DYNC1H1: variants seen among roughly 807,000 people sequenced by gnomAD.
The protein encoded by DYNC1H1 is dynein cytoplasmic 1 heavy chain 1, also known as cytoplasmic dynein 1 heavy chain 1.
Under a neutral mutation model 527.1 loss-of-function variants are expected in DYNC1H1, and 51 were observed. That is an observed-to-expected ratio of 0.10 (90% CI 0.08 to 0.12). The LOEUF (loss-of-function observed/expected upper bound fraction) is 0.12, where lower values mean the gene tolerates loss of function less well. DYNC1H1 is among the 10% of genes least tolerant of loss of function. The pLI is 1.00. For missense variants in DYNC1H1, 2,771 were observed against 5,971.8 expected, an observed-to-expected ratio of 0.46 and a Z score of 17.66; for synonymous variants, 2,189 against 2,278.8, an observed-to-expected ratio of 0.96 and a Z score of 1.12.
Position 102,048,004 on chromosome 14 carries a change from C to T in DYNC1H1, c.13194C>T (p.Leu4398=). The part of the protein sequence containing the change: ...LHLIPQTLSH[L]KRTVENIKDP... ...TCATCCCCCAGACGCTGAGCCACCT[C>T]AAGCGCACCGTGGAGAATATCAAGG... Residue 4398 remains leucine (L), a synonymous_variant, in exon 73 of 78, where the codon CTC becomes CTT. Transcript: ENST00000360184. The T allele has an allele frequency of 6.2e-7, 1 of 1,611,886 alleles. No homozygotes were observed. The highest frequency in any genetic ancestry group is 1.1e-5 in the South Asian group (1 of 91,072).
At chr14:101,995,130 C>T (rs2048044140) in intron 14 of DYNC1H1, 34 bp downstream of exon 14, 2 of 1,614,094 alleles carry the variant, frequency 1.2e-6, no homozygotes, top group Non-Finnish European at 1.7e-6. Flanking sequence ...TGTAACCGGT[C>T]TACTGGTGAA....
At position 102,017,119 on chromosome 14, in the gene DYNC1H1, C is replaced by T. The variant is rs2048332425; in HGVS notation, c.7880C>T (p.Thr2627Ile). Residue 2627 changes from threonine to isoleucine, a missense_variant, in exon 39 of 78, where the codon ACT (threonine) becomes ATT (isoleucine). Thr to Ile is a moderately conservative substitution (Grantham distance 89, BLOSUM62 -1). Around this residue, in one of 32 missense-constraint regions of DYNC1H1, gnomAD observed 163 missense variants for 346.9 expected, o/e 0.47. Coordinates refer to ENST00000360184, the MANE Select transcript of DYNC1H1 (RefSeq NM_001376.5). This position sits in a 1 kb window ranked among gnomAD's most constrained non-coding sequence, Gnocchi z 4.6. The stretch of plus-strand genomic sequence containing the variant: ...GGTCTCAACTTCTCCAGTGCTACTA[C>T]TCCAGAGCTGCTTCTGAAGACTTTT... ...VVGLNFSSAT[T>I]PELLLKTFDH... 1 of 1,614,162 alleles carries T rather than the reference C, an allele frequency of 6.2e-7. No individual in the cohort carries two copies. The highest frequency in any genetic ancestry group is 8.5e-7 in the Non-Finnish European group (1 of 1,180,056).
Position 101,983,672 on chromosome 14 carries a change from G to GTTTTTTTTTTTTTTTTTTTTTT in DYNC1H1, c.1461+73_1461+74insTTTTTTTTTTTTTTTTTTTTTT. The GTTTTTTTTTTTTTTTTTTTTTT allele has an allele frequency of 1.5e-6, 2 of 1,334,938 alleles. No homozygotes were observed. 82.7% of individuals were successfully genotyped at this position (1,334,938 alleles called of 1,614,324 possible). The stretch of plus-strand genomic sequence containing the variant: ...GTTTTTGTTTTGTTTTTTGTTTGGT[G>GTTTTTTTTTTTTTTTTTTTTTT]TTTTTTTTTTGTTGTTGTTGTTGAG... On this transcript the variant is annotated intron_variant, in intron 7 of 77. Transcript: ENST00000360184. The surrounding 1 kb of genome is among the most constrained non-coding windows in gnomAD (Gnocchi z 5.3).
chr14:101,988,954 G>A (rs1289368862), intron 10 of DYNC1H1, 102 bp downstream of exon 10: 5 of 1,478,536 alleles, frequency 3.4e-6, no homozygotes, highest in Non-Finnish European at 4.6e-6. Flanking sequence ...ACACCTGGCA[G>A]ATGCCACCTT....
Position 102,049,382 on chromosome 14 carries a change from T to C in DYNC1H1, c.13373-58T>C. 1.2e-6 allele frequency: 2 copies of C among 1,610,594 alleles called. No individual in the cohort carries two copies. The highest frequency in any genetic ancestry group is 1.7e-6 in the Non-Finnish European group (2 of 1,179,414). The stretch of plus-strand genomic sequence containing the variant: ...GCCTAGCACTTGCACATTTGTTCCA[T>C]CTGTGCTGGGGGAGTTGTGAGAGCT... On this transcript the variant is annotated intron_variant, in intron 74 of 77. Transcript: ENST00000360184. This position sits in a 1 kb window ranked among gnomAD's most constrained non-coding sequence, Gnocchi z 5.5.
chr14:102,052,377 C>G lies in DYNC1H1; in HGVS notation c.*1814C>G, dbSNP rs892625642. ...CGAACTCCTGAGCTCAAGTGGTCCT[C>G]CCACCTTGGCCTCCCAAAATGCTGG... On this transcript the variant is annotated 3_prime_UTR_variant, in exon 78 of 78. Transcript: ENST00000360184. The G allele has an allele frequency of 3.9e-5, 6 of 152,358 alleles. No homozygotes were observed. Among genetic ancestry groups the G allele is most frequent in the African/African-American group, 1.4e-4 (6 of 41,456 alleles). The allele number at this position is 152,358 out of a possible 1,614,324, so 9.4% of individuals were successfully genotyped here. A position where few individuals can be genotyped will look rare whatever the true frequency, so the allele number is the denominator to read the frequency against.
chr14:102,036,454 T>C lies in DYNC1H1; in HGVS notation c.10755-35T>C. On this transcript the variant is annotated intron_variant, in intron 56 of 77. Coordinates refer to ENST00000360184, the MANE Select transcript of DYNC1H1 (RefSeq NM_001376.5). The surrounding 1 kb of genome is among the most constrained non-coding windows in gnomAD (Gnocchi z 5.6). ...GTGATCCTGTGCTTTCCCCATTCGG[T>C]GTTTCAACCTTCTCTTCTGTGGCCT... 6.2e-7 allele frequency: 1 copy of C among 1,612,156 alleles called. No homozygotes were observed. The highest frequency in any genetic ancestry group is 8.5e-7 in the Non-Finnish European group (1 of 1,179,422).
In DYNC1H1 at chr14:102,020,888, C is replaced by G. The variant is rs1249816193; in HGVS notation, c.8507+832C>G. 6.6e-6 allele frequency among the ~76,000 whole-genome samples: 1 copy of G among 152,170 alleles called. No homozygotes were observed. The highest frequency in any genetic ancestry group is 1.5e-5 in the Non-Finnish European group (1 of 68,032). Reference sequence around the variant, plus strand: ...CTAGTTGTAATCACTGGGTTTCCAACCCGAGTCCTTGGCATTCTTGGGCAA... The same window carrying G: ...CTAGTTGTAATCACTGGGTTTCCAAGCCGAGTCCTTGGCATTCTTGGGCAA... On this transcript the variant is annotated intron_variant, in intron 42 of 77. Transcript: ENST00000360184. The surrounding 1 kb of genome is among the most constrained non-coding windows in gnomAD (Gnocchi z 4.3).
Position 102,042,408 on chromosome 14 carries a change from T to G in DYNC1H1, c.12300T>G (p.His4100Gln). 1.9e-6 allele frequency: 3 copies of G among 1,614,202 alleles called. No homozygotes were observed. The East Asian group carries it at 6.7e-5, about 36-fold the overall frequency. The change falls in exon 68 of 78, where the codon CAT becomes CAG. Residue 4100 changes from histidine (H) to glutamine (Q), a missense_variant. His to Gln is a conservative substitution (Grantham distance 24, BLOSUM62 0). This residue lies in a region of DYNC1H1 where 195 missense variants were observed against 428.6 expected (regional missense o/e 0.45). Coordinates refer to ENST00000360184, the MANE Select transcript of DYNC1H1 (RefSeq NM_001376.5). This position sits in a 1 kb window ranked among gnomAD's most constrained non-coding sequence, Gnocchi z 5.7. ...SGRWVMLKNV[H>Q]LAPGWLMQLE... ...GGTGGGTGATGCTGAAGAATGTGCA[T>G]CTGGCCCCAGGGTGGCTGATGCAGC...
rs571467866 is a variant in DYNC1H1, at chr14:101,969,202, A to G, written c.256+4255A>G. Among the ~76,000 whole-genome samples, 507 of 136,374 alleles carry G rather than the reference A, an allele frequency of 3.7e-3. 3 individuals carry two copies. The highest frequency in any genetic ancestry group is 5.1e-3 in the Non-Finnish European group (321 of 63,332). 89.5% of individuals were successfully genotyped at this position (136,374 alleles called of 152,430 possible). A position where few individuals can be genotyped will look rare whatever the true frequency, so the allele number is the denominator to read the frequency against. ...CTGGTTAATTTTTTTTTTTTTTTTT[A>G]GTAGAGACGGGGTTTCACCGTGTTA... On this transcript the variant is annotated intron_variant, in intron 1 of 77. Coordinates refer to ENST00000360184, the MANE Select transcript of DYNC1H1 (RefSeq NM_001376.5).
intron 73 of DYNC1H1, chr14:102,048,265 G>A (rs1445446564): frequency 1.1e-5 from 8 of 715,966 alleles, no homozygotes; most frequent in South Asian, 5.6e-5. Flanking sequence ...GCGCCACAGC[G>A]AGCAGCCGCA....
At chr14:101,974,319 G>A (rs1000333763) in intron 1 of DYNC1H1, among the ~76,000 whole-genome samples, 2 of 152,064 alleles carry the variant, frequency 1.3e-5, no homozygotes, top group African/African-American at 2.4e-5. Flanking sequence ...GGCTGGTCTC[G>A]AACTCTCTAC....
Position 102,018,215 on chromosome 14 carries a change from G to A in DYNC1H1, c.8178-236G>A, listed in dbSNP as rs1177019699. 6.6e-6 allele frequency among the ~76,000 whole-genome samples: 1 copy of A among 152,234 alleles called. No individual in the cohort carries two copies. The highest frequency in any genetic ancestry group is 1.5e-5 in the Non-Finnish European group (1 of 68,032). ...CCAAGATGAGCCTGAAATAAGCCTT[G>A]GTTATTTTTTCATCTTTGCTGGTTT... On this transcript the variant is annotated intron_variant, in intron 40 of 77. Transcript: ENST00000360184. The surrounding 1 kb of genome is among the most constrained non-coding windows in gnomAD (Gnocchi z 5.2).
At chr14:102,037,966 G>T (rs1338091409) in intron 57 of DYNC1H1, 3 of 282,196 alleles carry the variant, frequency 1.1e-5, no homozygotes, top group South Asian at 7.8e-5. Flanking sequence ...AGCCTTGGGG[G>T]CTACTGAGCA....
intron 27 of DYNC1H1, among the ~76,000 whole-genome samples, chr14:102,006,755 A>G (rs568916871): frequency 2.6e-4 from 39 of 151,600 alleles, no homozygotes; most frequent in Middle Eastern, 3.4e-3. Context: ...GCCCACCAAC[A>G]TGCCCGGCTA....
chr14:102,026,426 A>T, intron 43 of DYNC1H1, 148 bp from the exon 44 acceptor site: 1 of 888,166 alleles, frequency 1.1e-6, no homozygotes, highest in Non-Finnish European at 1.7e-6. Flanking sequence ...ATTCCTAGTG[A>T]ATTTATATTT....
Position 102,017,345 on chromosome 14 carries a change from A to G in DYNC1H1, c.8056-38A>G. 6.2e-7 allele frequency: 1 copy of G among 1,614,200 alleles called. No individual in the cohort carries two copies. The highest frequency in any genetic ancestry group is 8.5e-7 in the Non-Finnish European group (1 of 1,180,032). On this transcript the variant is annotated intron_variant, in intron 39 of 77. Coordinates refer to ENST00000360184, the MANE Select transcript of DYNC1H1 (RefSeq NM_001376.5). This position sits in a 1 kb window ranked among gnomAD's most constrained non-coding sequence, Gnocchi z 4.6. ...CCTGCCCCACAATGTTTCTTGTTCA[A>G]GTTTTGCTCTTAATGTGGTACCTGT...
At position 102,015,289 on chromosome 14, in the gene DYNC1H1, G is replaced by A. The variant is rs2048307195; in HGVS notation, c.7199G>A (p.Gly2400Asp). Residue 2400 changes from glycine (G) to aspartate (D), a missense_variant, in exon 35 of 78, where the codon GGC becomes GAC. Coordinates refer to ENST00000360184, the MANE Select transcript of DYNC1H1 (RefSeq NM_001376.5). The surrounding 1 kb of genome is among the most constrained non-coding windows in gnomAD (Gnocchi z 6.9). ...GEDEAQRRRK[G>D]KEDEGEEAAS... ...GATGAGGCACAGCGGCGGCGTAAGG[G>A]CAAAGAGGATGAGGGGGAGGAGGCC... is the stretch of plus-strand genomic sequence containing the variant. The A allele has an allele frequency of 6.2e-7, 1 of 1,614,056 alleles. No homozygotes were observed. The highest frequency in any genetic ancestry group is 8.5e-7 in the Non-Finnish European group (1 of 1,180,020).
In DYNC1H1 at chr14:101,979,430, C is replaced by T. The variant is rs148062994; in HGVS notation, c.456C>T (p.Phe152=). The T allele has an allele frequency of 4.9e-5, 79 of 1,614,190 alleles. No homozygotes were observed. The highest frequency in any genetic ancestry group is 6.6e-5 in the Non-Finnish European group (78 of 1,180,036). ...EDSPYETLHS[F]ISNAVAPFFK... ...CGCCCTACGAAACTTTGCATTCTTT[C>T]ATTAGCAATGCAGTGGCTCCTTTTT... Residue 152 remains phenylalanine (F), a synonymous_variant, in exon 3 of 78, where the codon TTC becomes TTT. Transcript: ENST00000360184. This position sits in a 1 kb window ranked among gnomAD's most constrained non-coding sequence, Gnocchi z 4.6.
Sources: allele counts gnomAD v4.1 joint callset (sites outside exome capture counted in the v4.1 genomes callset), GRCh38; gene constraint gnomAD v4.1.1; regional missense constraint gnomAD v4.1.1; non-coding constraint Gnocchi (gnomAD v3.1); transcripts MANE v1.5; gene names NCBI Gene and HGNC (gene_info 2026-07-23, HGNC 2026-07-21).